Variants in TRIM44 observed in about 807,000 individuals in gnomAD.
TRIM44 encodes tripartite motif containing 44, also known as tripartite motif-containing protein 44.
In TRIM44, 13 loss-of-function variants were observed where a neutral mutation model predicts 37.4. The ratio of observed to expected loss-of-function variants is 0.35; its 90% CI spans 0.23 to 0.55. The LOEUF (loss-of-function observed/expected upper bound fraction) is 0.55. TRIM44 is among the 20% of genes least tolerant of loss of function. The pLI, the probability that TRIM44 is intolerant of heterozygous loss-of-function variation, is 0.89. For missense variants in TRIM44, 426 were observed against 437.2 expected, an observed-to-expected ratio of 0.97 and a Z score of 0.23; for synonymous variants, 175 against 157.2, an observed-to-expected ratio of 1.11 and a Z score of -0.85.
intron 4 of TRIM44, among the ~76,000 whole-genome samples, chr11:35,783,574 C>T (rs1280120819): frequency 1.3e-5 from 2 of 152,194 alleles, no homozygotes; most frequent in Admixed American, 1.3e-4. Context: ...TTCAGTGCTT[C>T]ATTCTAATTT....
intron 4 of TRIM44, among the ~76,000 whole-genome samples, chr11:35,742,764 A>G (rs1852426288): frequency 8.5e-6 from 1 of 117,544 alleles, no homozygotes; most frequent in African/African-American, 3.5e-5. Context: ...TATGTTATGT[A>G]TTATATATTA....
chr11:35,731,326 C>T (rs1190289988), intron 3 of TRIM44, among the ~76,000 whole-genome samples: 1 of 152,078 alleles, frequency 6.6e-6, no homozygotes. Context: ...TCTTCTGTAT[C>T]TCTTGAAATG....
At chr11:35,717,966 CA>C (rs1228298170) in intron 2 of TRIM44, among the ~76,000 whole-genome samples, 4 of 151,966 alleles carry the variant, frequency 2.6e-5, no homozygotes, top group African/African-American at 9.7e-5. Flanking sequence ...CATCTGTTGC[CA>C]AAACAAGAGT....
At chr11:35,705,807 G>A (rs916982370) in intron 2 of TRIM44, among the ~76,000 whole-genome samples, 1 of 148,046 alleles carries the variant, frequency 6.8e-6, no homozygotes, top group Admixed American at 6.8e-5. Flanking sequence ...ACAAGAGAAA[G>A]CAGGAAAGAT....
At chr11:35,739,913 A>G (rs1412153183) in intron 4 of TRIM44, among the ~76,000 whole-genome samples, 1 of 152,096 alleles carries the variant, frequency 6.6e-6, no homozygotes, top group Non-Finnish European at 1.5e-5. Context: ...ATCCTGGCCA[A>G]CATGGTGAAA....
intron 4 of TRIM44, 70 bp downstream of exon 4, chr11:35,735,515 C>A: frequency 6.8e-7 from 1 of 1,471,980 alleles, no homozygotes; most frequent in South Asian, 1.1e-5. Context: ...TTTTAGTGCT[C>A]CATGAAATAT....
intron 3 of TRIM44, among the ~76,000 whole-genome samples, chr11:35,726,622 C>T (rs1852178218): frequency 6.6e-6 from 1 of 150,562 alleles, no homozygotes; most frequent in African/African-American, 2.5e-5. Flanking sequence ...GAGCCAGCTG[C>T]ATAAATTGGA....
intron 4 of TRIM44, among the ~76,000 whole-genome samples, chr11:35,785,200 G>A (rs1853115740): frequency 1.3e-5 from 2 of 152,128 alleles, no homozygotes; most frequent in South Asian, 4.1e-4. Flanking sequence ...CTCCATTTTT[G>A]CAGATTCAAA....
At chr11:35,712,809 G>A (rs1482741680) in intron 2 of TRIM44, among the ~76,000 whole-genome samples, 1 of 152,076 alleles carries the variant, frequency 6.6e-6, no homozygotes, top group Non-Finnish European at 1.5e-5. Flanking sequence ...GTATTTGACA[G>A]TTAATTTAGG....
rs989572524 is a variant in TRIM44, at chr11:35,814,059, C to T, written c.*7674C>T. ...ACAAATACTGCTACCATAAAAGTCA[C>T]TTAAGCATCCCTGTTAGTTCTAAGC... On this transcript the variant is annotated 3_prime_UTR_variant, in exon 5 of 5. Coordinates refer to ENST00000299413, the MANE Select transcript of TRIM44 (RefSeq NM_017583.6). 5 of 152,352 alleles carry T rather than the reference C, an allele frequency of 3.3e-5. No homozygotes were observed. Among genetic ancestry groups the T allele is most frequent in the African/African-American group, 1.2e-4 (5 of 41,592 alleles). The allele number at this position is 152,352 out of a possible 1,614,324, so 9.4% of individuals were successfully genotyped here. A position where few individuals can be genotyped will look rare whatever the true frequency, so the allele number is the denominator to read the frequency against.
At chr11:35,777,326 C>T (rs1456946509) in intron 4 of TRIM44, among the ~76,000 whole-genome samples, 2 of 152,222 alleles carry the variant, frequency 1.3e-5, no homozygotes, top group Middle Eastern at 3.4e-3. Context: ...TCCTCCATCC[C>T]TTTATTTTGA....
chr11:35,772,970 G>T (rs141782485), intron 4 of TRIM44, among the ~76,000 whole-genome samples: 1 of 152,260 alleles, frequency 6.6e-6, no homozygotes, highest in East Asian at 1.9e-4. Flanking sequence ...AATTTTACTC[G>T]CATAATCCCA....
chr11:35,703,185 G>C (rs962151927), intron 2 of TRIM44, among the ~76,000 whole-genome samples: 1 of 152,218 alleles, frequency 6.6e-6, no homozygotes, highest in Non-Finnish European at 1.5e-5. Context: ...AAACCTGCAA[G>C]GCGGAAGCAA....
At chr11:35,748,108 T>A (rs568477384) in intron 4 of TRIM44, among the ~76,000 whole-genome samples, 81 of 152,202 alleles carry the variant, frequency 5.3e-4, no homozygotes, top group Non-Finnish European at 6.5e-4. Flanking sequence ...GGAAAGAAGA[T>A]TGTCACGTAG....
At position 35,817,509 on chromosome 11, in the gene TRIM44, A is replaced by G. The variant is rs72932165; in HGVS notation, c.*11124A>G. The G allele has an allele frequency of 5.9e-5, 9 of 152,258 alleles. No homozygotes were observed. Among genetic ancestry groups the G allele is most frequent in the Admixed American group, 2.6e-4 (4 of 15,298 alleles). The allele number at this position is 152,258 out of a possible 1,614,324, so 9.4% of individuals were successfully genotyped here. Reference sequence around the variant, plus strand: ...AAAAATTGTTCCTCTAAGAGTCCCAAGTCATCTTTTTTCTCTCCGTGTGTG... The same window carrying G: ...AAAAATTGTTCCTCTAAGAGTCCCAGGTCATCTTTTTTCTCTCCGTGTGTG... On this transcript the variant is annotated 3_prime_UTR_variant, in exon 5 of 5. Coordinates refer to ENST00000299413, the MANE Select transcript of TRIM44 (RefSeq NM_017583.6).
At chr11:35,776,927 T>C (rs1261706396) in intron 4 of TRIM44, among the ~76,000 whole-genome samples, 1 of 152,240 alleles carries the variant, frequency 6.6e-6, no homozygotes, top group Non-Finnish European at 1.5e-5. Flanking sequence ...AGAATGTATA[T>C]TCTGTTGATT....
At chr11:35,718,315 A>G (rs578145932) in intron 2 of TRIM44, among the ~76,000 whole-genome samples, 2 of 152,258 alleles carry the variant, frequency 1.3e-5, no homozygotes, top group African/African-American at 4.8e-5. Flanking sequence ...TAGGCTTCTC[A>G]GTGGCTATTT....
rs1853589804 is a variant in TRIM44, at chr11:35,816,996, A to C, written c.*10611A>C. ...TTTTCATATCAACGGTAAGTACCTCAAATTACCGTATGTATTTACTTGTTC... is the reference window on the plus strand; with the variant it reads ...TTTTCATATCAACGGTAAGTACCTCCAATTACCGTATGTATTTACTTGTTC... On this transcript the variant is annotated 3_prime_UTR_variant, in exon 5 of 5. Coordinates refer to ENST00000299413, the MANE Select transcript of TRIM44 (RefSeq NM_017583.6). 1 of 152,170 alleles carries C rather than the reference A, an allele frequency of 6.6e-6. No individual in the cohort carries two copies. Among genetic ancestry groups the C allele is most frequent in the African/African-American group, 2.4e-5 (1 of 41,442 alleles). The allele number at this position is 152,170 out of a possible 1,614,324, so 9.4% of individuals were successfully genotyped here.
intron 4 of TRIM44, among the ~76,000 whole-genome samples, chr11:35,756,348 T>C (rs1242362369): frequency 8.5e-5 from 13 of 152,202 alleles, no homozygotes; most frequent in African/African-American, 2.7e-4. Flanking sequence ...TTTTTGCACA[T>C]TGATTTTGTA....
Sources: allele counts gnomAD v4.1 joint callset (sites outside exome capture counted in the v4.1 genomes callset), GRCh38; gene constraint gnomAD v4.1.1; transcripts MANE v1.5; gene names NCBI Gene and HGNC (gene_info 2026-07-23, HGNC 2026-07-21).